The following NAALADL2 variants were observed in gnomAD, a reference collection of about 807,000 sequenced individuals.
NAALADL2 encodes the protein N-acetylated alpha-linked acidic dipeptidase like 2, also known as inactive N-acetylated-alpha-linked acidic dipeptidase-like protein 2.
A neutral mutation model predicts 87.2 loss-of-function variants in NAALADL2; 76 were observed. The ratio of observed to expected loss-of-function variants is 0.87; its 90% CI spans 0.72 to 1.05. The LOEUF (loss-of-function observed/expected upper bound fraction) is 1.05, where lower values mean the gene tolerates loss of function less well. NAALADL2 is among the 50% of genes least tolerant of loss of function. NAALADL2 has a pLI of 0.00. For synonymous variants in NAALADL2, 354 were observed against 331.0 expected (o/e 1.07, Z -0.75); for missense variants, 1,089 against 945.8 (o/e 1.15, Z -1.99).
chr3:175,186,524 G>A (rs567356517), intron 2 of NAALADL2, among the ~76,000 whole-genome samples: 2 of 152,030 alleles, frequency 1.3e-5, no homozygotes, highest in African/African-American at 2.4e-5. Context: ...AGAAAGTAGC[G>A]ACTATCCATT....
chr3:174,460,783 A>C (rs1716168833), intron 1 of NAALADL2, among the ~76,000 whole-genome samples: 1 of 152,060 alleles, frequency 6.6e-6, no homozygotes. Context: ...TTGCAAAAAT[A>C]TTAAAATTTT....
In NAALADL2 at chr3:175,609,315, T is replaced by C. The variant is rs370760334; in HGVS notation, c.1801-17976T>C. ...TATTAATATAAATAAGACCTCCATT[T>C]AGAAATTAGAATGGCTTTATTAAAG... On this transcript the variant is annotated intron_variant, in intron 10 of 13. Transcript: ENST00000454872. Among the ~76,000 whole-genome samples the C allele has an allele frequency of 2.0e-4, 30 of 152,288 alleles. No homozygotes were observed. The South Asian group carries it at 5.8e-3, about 29-fold the overall frequency.
intron 13 of NAALADL2, among the ~76,000 whole-genome samples, chr3:175,792,225 C>A (rs1752880015): frequency 6.6e-6 from 1 of 152,094 alleles, no homozygotes. Context: ...TACCAAAGTG[C>A]TCCTTTAAAG....
At position 175,806,645 on chromosome 3, in the gene NAALADL2, T is replaced by C. The variant is rs1754725754; in HGVS notation, c.*3442T>C. ...TTCAGTTGCAGCTTATATTTGTGCC[T>C]GCTACATCCCAGGCACTGGTGTTTT... On this transcript the variant is annotated 3_prime_UTR_variant, in exon 14 of 14. Transcript: ENST00000454872. 6.6e-6 allele frequency: 1 copy of C among 151,194 alleles called. No homozygotes were observed. Among genetic ancestry groups the C allele is most frequent in the Non-Finnish European group, 1.5e-5 (1 of 67,676 alleles). The allele number at this position is 151,194 out of a possible 1,614,324, so 9.4% of individuals were successfully genotyped here.
At chr3:174,713,443 C>T (rs925086699) in intron 2 of NAALADL2, among the ~76,000 whole-genome samples, 1 of 152,156 alleles carries the variant, frequency 6.6e-6, no homozygotes, top group Admixed American at 6.5e-5. Context: ...GTTCCTATTT[C>T]TCCACATCCT....
chr3:174,879,213 T>C (rs555415752), intron 1 of NAALADL2, among the ~76,000 whole-genome samples: 1 of 152,254 alleles, frequency 6.6e-6, no homozygotes, highest in Admixed American at 6.5e-5. Context: ...ATAAGTAAGA[T>C]AAATCTACTT....
chr3:175,038,152 G>A (rs984564540), intron 1 of NAALADL2, among the ~76,000 whole-genome samples: 1 of 152,028 alleles, frequency 6.6e-6, no homozygotes, highest in African/African-American at 2.4e-5. Context: ...TCTTTAAATA[G>A]AAAATGAAGT....
chr3:175,708,356 G>A (rs990460670), intron 11 of NAALADL2, among the ~76,000 whole-genome samples: 1 of 152,056 alleles, frequency 6.6e-6, no homozygotes, highest in African/African-American at 2.4e-5. Flanking sequence ...AGGGAGGCCA[G>A]TTCAAAAGTA....
intron 9 of NAALADL2, among the ~76,000 whole-genome samples, chr3:175,484,738 C>T (rs150337955): frequency 2.6e-5 from 4 of 152,194 alleles, no homozygotes; most frequent in East Asian, 3.9e-4. Context: ...ACTGCATTAT[C>T]GATAGCAAAT....
intron 5 of NAALADL2, among the ~76,000 whole-genome samples, chr3:175,371,057 C>G (rs1402893589): frequency 6.6e-6 from 1 of 152,020 alleles, no homozygotes; most frequent in African/African-American, 2.4e-5. Context: ...GTAGTTTGAA[C>G]AGTATGGAAA....
chr3:175,487,207 C>T (rs1727404808), intron 9 of NAALADL2, among the ~76,000 whole-genome samples: 1 of 152,190 alleles, frequency 6.6e-6, no homozygotes, highest in African/African-American at 2.4e-5. Flanking sequence ...AGACCCACCT[C>T]ATCTACCTTC....
At chr3:174,829,745 G>A (rs1456431653) in intron 3 of NAALADL2, among the ~76,000 whole-genome samples, 1 of 143,146 alleles carries the variant, frequency 7.0e-6, no homozygotes, top group African/African-American at 2.7e-5. Flanking sequence ...GTGTAGAAGT[G>A]TTCCTATTTC....
intron 2 of NAALADL2, among the ~76,000 whole-genome samples, chr3:174,623,929 T>C (rs1199370861): frequency 6.6e-6 from 1 of 152,180 alleles, no homozygotes; most frequent in East Asian, 1.9e-4. Flanking sequence ...ACTTGGAAAG[T>C]AGAGTGATCG....
chr3:175,743,096 G>A (rs1222799107), intron 12 of NAALADL2, among the ~76,000 whole-genome samples: 1 of 152,002 alleles, frequency 6.6e-6, no homozygotes, highest in Non-Finnish European at 1.5e-5. Context: ...CTCCTCCCGG[G>A]TTCAAGTGAT....
intron 2 of NAALADL2, among the ~76,000 whole-genome samples, chr3:175,184,815 T>C (rs1737087362): frequency 6.6e-6 from 1 of 152,146 alleles, no homozygotes; most frequent in African/African-American, 2.4e-5. Flanking sequence ...TTGAATTTTC[T>C]CTTGAACAAG....
At chr3:174,788,458 C>T (rs181967387) in intron 3 of NAALADL2, among the ~76,000 whole-genome samples, 1 of 152,154 alleles carries the variant, frequency 6.6e-6, no homozygotes, top group Non-Finnish European at 1.5e-5. Context: ...AGGGGTCAAC[C>T]AGTTTGGTTT....
At chr3:175,364,126 GAA>G (rs1765311176) in intron 5 of NAALADL2, among the ~76,000 whole-genome samples, 1 of 147,786 alleles carries the variant, frequency 6.8e-6, no homozygotes, top group Non-Finnish European at 1.5e-5. Flanking sequence ...TTCAAATAAA[GAA>G]AAGAGTGATA....
chr3:174,714,669 G>A (rs1731008485), intron 2 of NAALADL2, among the ~76,000 whole-genome samples: 1 of 152,190 alleles, frequency 6.6e-6, no homozygotes, highest in South Asian at 2.1e-4. Flanking sequence ...CTTTGCTGAA[G>A]TTGCTTATCA....
intron 3 of NAALADL2, among the ~76,000 whole-genome samples, chr3:174,843,632 C>T (rs1307527829): frequency 6.6e-6 from 1 of 152,036 alleles, no homozygotes; most frequent in Non-Finnish European, 1.5e-5. Context: ...TTTCATAGTG[C>T]TCTATTAATC....
Sources: allele counts gnomAD v4.1 joint callset (sites outside exome capture counted in the v4.1 genomes callset), GRCh38; gene constraint gnomAD v4.1.1; transcripts MANE v1.5; gene names NCBI Gene and HGNC (gene_info 2026-07-23, HGNC 2026-07-21).